CNTNAP2: variants seen among roughly 807,000 people sequenced by gnomAD.
CNTNAP2 encodes the protein contactin associated protein 2.
In CNTNAP2, 98 loss-of-function variants were observed where a neutral mutation model predicts 155.2. That is an observed-to-expected ratio of 0.63 (90% CI 0.54 to 0.75). The LOEUF (loss-of-function observed/expected upper bound fraction) is 0.75. Among genes scored for constraint, CNTNAP2 ranks in the 30% least tolerant of loss-of-function variants. The pLI is 0.00. For synonymous variants in CNTNAP2, 651 were observed against 631.2 expected, an observed-to-expected ratio of 1.03 and a Z score of -0.47; for missense variants, 1,727 against 1,688.1, an observed-to-expected ratio of 1.02 and a Z score of -0.40.
At position 147,048,065 on chromosome 7, in the gene CNTNAP2, C is replaced by T. The variant is rs559701967; in HGVS notation, c.550+4011C>T. ...AGTTAACAATCATGACACGGAGAGACAATTTTTTTTTTTTTTTTTTTTTTT... is the reference window on the plus strand; with the variant it reads ...AGTTAACAATCATGACACGGAGAGATAATTTTTTTTTTTTTTTTTTTTTTT... On this transcript the variant is annotated intron_variant, in intron 4 of 23. Transcript: ENST00000361727. Among the ~76,000 whole-genome samples the T allele has an allele frequency of 1.4e-3, 186 of 133,458 alleles. 1 individual carries two copies. Among genetic ancestry groups the T allele is most frequent in the African/African-American group, 5.0e-3 (171 of 34,286 alleles). The allele number at this position is 133,458 out of a possible 152,430, so 87.6% of individuals were successfully genotyped here.
At chr7:146,208,075 T>C (rs979919157) in intron 1 of CNTNAP2, among the ~76,000 whole-genome samples, 2 of 152,076 alleles carry the variant, frequency 1.3e-5, no homozygotes, top group African/African-American at 4.8e-5. Context: ...GGACTTAATT[T>C]TTTTAGTTCC....
chr7:146,325,860 A>G (rs998588717), intron 1 of CNTNAP2, among the ~76,000 whole-genome samples: 2 of 152,206 alleles, frequency 1.3e-5, no homozygotes, highest in African/African-American at 4.8e-5. Context: ...ACGGTTAAAT[A>G]TGACATGATA....
intron 3 of CNTNAP2, among the ~76,000 whole-genome samples, chr7:146,882,730 A>C (rs1795578098): frequency 6.6e-6 from 1 of 152,182 alleles, no homozygotes; most frequent in Non-Finnish European, 1.5e-5. Context: ...ATGGTAGGTC[A>C]GCTCCTAGTG....
intron 1 of CNTNAP2, among the ~76,000 whole-genome samples, chr7:146,484,049 T>C (rs1002948708): frequency 6.6e-6 from 1 of 152,216 alleles, no homozygotes; most frequent in Non-Finnish European, 1.5e-5. Context: ...CCATTTCTTA[T>C]AATCTTTAAT....
intron 3 of CNTNAP2, among the ~76,000 whole-genome samples, chr7:146,882,128 T>A (rs1795564210): frequency 6.6e-6 from 1 of 152,126 alleles, no homozygotes; most frequent in South Asian, 2.1e-4. Context: ...TCCATGTTGC[T>A]ACAAAGGACA....
chr7:146,146,120 C>T (rs1442442710), intron 1 of CNTNAP2, among the ~76,000 whole-genome samples: 1 of 152,084 alleles, frequency 6.6e-6, no homozygotes, highest in Non-Finnish European at 1.5e-5. Context: ...AAATGTATAA[C>T]ATATCATTTT....
At chr7:147,916,591 GAAAA>G (rs10545940) in intron 14 of CNTNAP2, among the ~76,000 whole-genome samples, 90,677 of 135,972 alleles carry the variant, frequency 0.67, 29,525 homozygotes, top group African/African-American at 0.68. Context: ...CTTTTTTTCT[GAAAA>G]AAAAAAAAAA....
At chr7:147,080,622 TATATATAACATACATTC>T (rs535068824) in intron 4 of CNTNAP2, among the ~76,000 whole-genome samples, 1 of 148,960 alleles carries the variant, frequency 6.7e-6, no homozygotes, top group South Asian at 2.1e-4. Context: ...TAGAATTTTA[TATATATAACATACATTC>T]ATATATAACA....
intron 1 of CNTNAP2, among the ~76,000 whole-genome samples, chr7:146,370,463 A>C (rs1015449660): frequency 6.6e-6 from 1 of 151,608 alleles, no homozygotes; most frequent in Non-Finnish European, 1.5e-5. Context: ...GAAAAAAAAA[A>C]CATTTTTCCT....
chr7:147,743,235 G>T (rs1467293553), intron 13 of CNTNAP2, among the ~76,000 whole-genome samples: 2 of 152,142 alleles, frequency 1.3e-5, no homozygotes, highest in Non-Finnish European at 2.9e-5. Context: ...TTGCATCGTA[G>T]TTACACTCCT....
chr7:147,545,961 A>T (rs909767317), intron 11 of CNTNAP2, among the ~76,000 whole-genome samples: 14 of 152,078 alleles, frequency 9.2e-5, no homozygotes, highest in Admixed American at 9.2e-4. Flanking sequence ...CTTGGGTCTC[A>T]TTCTCTCTTG....
At chr7:146,161,132 C>G (rs1221209823) in intron 1 of CNTNAP2, among the ~76,000 whole-genome samples, 1 of 152,160 alleles carries the variant, frequency 6.6e-6, no homozygotes, top group Non-Finnish European at 1.5e-5. Context: ...CAGAAAAGGC[C>G]TTTGACAAAA....
At position 147,304,830 on chromosome 7, in the gene CNTNAP2, T is replaced by C. The variant is rs567464574; in HGVS notation, c.1498+4540T>C. Reference sequence around the variant, plus strand: ...TTGAGTGGTCTAAACAACATAAATATGTTTTTCATGGTTCTTGAGGTTGGG... The same window carrying C: ...TTGAGTGGTCTAAACAACATAAATACGTTTTTCATGGTTCTTGAGGTTGGG... On this transcript the variant is annotated intron_variant, in intron 9 of 23. Coordinates refer to ENST00000361727, the MANE Select transcript of CNTNAP2 (RefSeq NM_014141.6). 1.5e-4 allele frequency among the ~76,000 whole-genome samples: 23 copies of C among 152,356 alleles called. 1 individual carries two copies. The highest frequency in any genetic ancestry group is 3.9e-4 in the Admixed American group (6 of 15,300).
chr7:147,062,327 A>G (rs967512401), intron 4 of CNTNAP2, among the ~76,000 whole-genome samples: 3 of 151,936 alleles, frequency 2.0e-5, no homozygotes, highest in Admixed American at 6.6e-5. Flanking sequence ...AATGCTTAAA[A>G]TTGTATTAAT....
At chr7:147,995,664 C>T (rs113069036) in intron 15 of CNTNAP2, among the ~76,000 whole-genome samples, 4 of 152,042 alleles carry the variant, frequency 2.6e-5, no homozygotes, top group African/African-American at 4.8e-5. Context: ...CAGGCGCCCG[C>T]CACCATGCCC....
At chr7:147,184,818 A>G (rs58556356) in intron 8 of CNTNAP2, among the ~76,000 whole-genome samples, 8,018 of 152,264 alleles carry the variant, frequency 0.053, 238 homozygotes, top group African/African-American at 0.082. Flanking sequence ...AAGAAAGAAC[A>G]TGTTGGGAAA....
intron 11 of CNTNAP2, among the ~76,000 whole-genome samples, chr7:147,526,726 C>G (rs1449001851): frequency 6.6e-6 from 1 of 152,110 alleles, no homozygotes; most frequent in Non-Finnish European, 1.5e-5. Context: ...ATGAAAACCT[C>G]TTTGAGTTCA....
intron 1 of CNTNAP2, among the ~76,000 whole-genome samples, chr7:146,235,984 G>A (rs1052168534): frequency 7.2e-6 from 1 of 139,310 alleles, no homozygotes; most frequent in Admixed American, 7.2e-5. Context: ...GTGTGTGCGC[G>A]CGTATTTGTA....
chr7:147,602,215 T>A (rs1409405999), intron 12 of CNTNAP2, among the ~76,000 whole-genome samples: 1 of 152,128 alleles, frequency 6.6e-6, no homozygotes, highest in East Asian at 1.9e-4. Context: ...ACTAGATGAT[T>A]ATCCTGCATT....
Sources: gnomAD v4.1 joint callset for allele counts (sites outside exome capture counted in the v4.1 genomes callset) on GRCh38, gnomAD v4.1.1 for gene constraint, MANE v1.5 for transcripts, NCBI Gene and HGNC (gene_info 2026-07-23, HGNC 2026-07-21) for gene names.